Variants in SPATA6 observed in about 807,000 individuals in gnomAD.
The protein encoded by SPATA6 is spermatogenesis-associated protein 6.
A neutral mutation model predicts 65.3 loss-of-function variants in SPATA6; 56 were observed. The ratio of observed to expected loss-of-function variants is 0.86; its 90% CI spans 0.69 to 1.07. The LOEUF (loss-of-function observed/expected upper bound fraction) is 1.07. SPATA6 is among the 50% of genes least tolerant of loss of function. The pLI, the probability that SPATA6 is intolerant of heterozygous loss-of-function variation, is 0.00. For missense variants in SPATA6, 590 were observed against 594.8 expected, an observed-to-expected ratio of 0.99 and a Z score of 0.08; for synonymous variants, 199 against 213.2, an observed-to-expected ratio of 0.93 and a Z score of 0.58.
intron 9 of SPATA6, among the ~76,000 whole-genome samples, chr1:48,384,647 T>C (rs1437256620): frequency 1.3e-5 from 2 of 151,942 alleles, no homozygotes; most frequent in Non-Finnish European, 1.5e-5. Context: ...CCAGAAAAAA[T>C]ATATTTTCAA....
chr1:48,277,676 G>A, the SPATA6 span, among the ~76,000 whole-genome samples: 3 of 152,250 alleles, frequency 2.0e-5, no homozygotes, highest in African/African-American at 4.8e-5. Context: ...AAGCAGCTGG[G>A]AAGCTCGAAC....
intron 11 of SPATA6, among the ~76,000 whole-genome samples, chr1:48,350,187 A>G (rs1388104365): frequency 2.0e-5 from 3 of 151,538 alleles, no homozygotes; most frequent in Non-Finnish European, 3.0e-5. Flanking sequence ...TTATGAGTTG[A>G]GCATGTTTTA....
chr1:48,317,086 T>C (rs966071434), intron 11 of SPATA6, among the ~76,000 whole-genome samples: 2 of 152,222 alleles, frequency 1.3e-5, no homozygotes, highest in Admixed American at 6.5e-5. Context: ...GGTGGGACTG[T>C]AAACTAGTTC....
intron 3 of SPATA6, among the ~76,000 whole-genome samples, chr1:48,440,856 G>A (rs976726725): frequency 1.3e-5 from 2 of 152,090 alleles, no homozygotes; most frequent in Admixed American, 6.6e-5. Context: ...ATTAAACCTG[G>A]CAACCTTGGT....
At chr1:48,419,572 GA>G (rs1570515797) in intron 3 of SPATA6, among the ~76,000 whole-genome samples, 2 of 152,124 alleles carry the variant, frequency 1.3e-5, no homozygotes, top group Admixed American at 1.3e-4. Flanking sequence ...AAATAAAGAA[GA>G]CATGTAAACA....
intron 7 of SPATA6, among the ~76,000 whole-genome samples, chr1:48,395,602 G>A (rs1221907714): frequency 6.6e-6 from 1 of 151,814 alleles, no homozygotes; most frequent in Non-Finnish European, 1.5e-5. Flanking sequence ...AAAATGAACA[G>A]ACTTGGAATT....
chr1:48,299,982 G>A (rs1172032378), intron 12 of SPATA6, among the ~76,000 whole-genome samples: 1 of 152,146 alleles, frequency 6.6e-6, no homozygotes, highest in African/African-American at 2.4e-5. Flanking sequence ...AGGATCAACT[G>A]TAGTTTTGAG....
At chr1:48,321,171 A>G (rs1384802021) in intron 11 of SPATA6, among the ~76,000 whole-genome samples, 1 of 152,200 alleles carries the variant, frequency 6.6e-6, no homozygotes. Context: ...CTTATCAATA[A>G]TAACACTGAA....
rs34415296 is a variant in SPATA6 at position 48,418,544 on chromosome 1, C to CAAAAAA, written c.239-5399_239-5394dup. Among the ~76,000 whole-genome samples, 376 of 49,704 alleles carry CAAAAAA rather than the reference C, an allele frequency of 7.6e-3. 19 individuals carry two copies. Among genetic ancestry groups the CAAAAAA allele is most frequent in the Non-Finnish European group, 0.01 (309 of 30,042 alleles). The allele number at this position is 49,704 out of a possible 152,430, so 32.6% of individuals were successfully genotyped here. ...GCAACATGGCAAGAACCCATCCCTA[C>CAAAAAA]AAAAAAAAAAAAAAAAAAAAAAAAA... On this transcript the variant is annotated intron_variant, in intron 3 of 12. Coordinates refer to ENST00000371847, the MANE Select transcript of SPATA6 (RefSeq NM_019073.4).
intron 1 of SPATA6, among the ~76,000 whole-genome samples, chr1:48,461,907 C>A (rs535483256): frequency 6.6e-6 from 1 of 152,100 alleles, no homozygotes; most frequent in East Asian, 1.9e-4. Flanking sequence ...ATGTTTATTG[C>A]GGCACTATTC....
chr1:48,399,230 G>T, intron 7 of SPATA6, 121 bp downstream of exon 7: 1 of 1,154,154 alleles, frequency 8.7e-7, no homozygotes, highest in Non-Finnish European at 1.2e-6. Flanking sequence ...TGCTAGGGTA[G>T]CAGTCAGAAG....
intron 11 of SPATA6, among the ~76,000 whole-genome samples, chr1:48,352,729 GAT>G (rs1476188614): frequency 5.3e-5 from 8 of 151,794 alleles, no homozygotes; most frequent in Non-Finnish European, 1.2e-4. Context: ...ATACTGAATG[GAT>G]ATTAATTCAG....
chr1:48,348,141 T>A (rs1225990465), intron 11 of SPATA6, among the ~76,000 whole-genome samples: 2 of 152,014 alleles, frequency 1.3e-5, no homozygotes, highest in East Asian at 3.9e-4. Flanking sequence ...ACTGGGTGAT[T>A]ACAATTTCTC....
In SPATA6 at chr1:48,407,947, CCATAATTT is replaced by C. The variant is rs1651859872; in HGVS notation, c.405+3509_405+3516del. On this transcript the variant is annotated intron_variant, in intron 5 of 12. Transcript: ENST00000371847. ...AGAATTTTAAATTACATTAAAGAGA[CCATAATTT>C]TAAAATGTGATTATTTGTTCATTGT... Among the ~76,000 whole-genome samples the C allele has an allele frequency of 2.0e-5, 3 of 152,092 alleles. No homozygotes were observed. The South Asian group carries it at 6.2e-4, about 32-fold the overall frequency.
intron 9 of SPATA6, among the ~76,000 whole-genome samples, chr1:48,374,358 TTCTAGGAATATG>T: frequency 6.6e-6 from 1 of 151,082 alleles, no homozygotes; most frequent in Admixed American, 6.6e-5. Context: ...GCCATAAAGT[TTCTAGGAATATG>T]TCTAATAAAC....
intron 1 of SPATA6, among the ~76,000 whole-genome samples, chr1:48,456,501 A>G (rs111939516): frequency 0.027 from 4,052 of 149,278 alleles, 54 homozygotes; most frequent in South Asian, 0.06. Context: ...TACATGGGGG[A>G]AAAAAAAAAG....
At chr1:48,286,855 G>C in the SPATA6 span, among the ~76,000 whole-genome samples, 1 of 151,962 alleles carries the variant, frequency 6.6e-6, no homozygotes, top group Non-Finnish European at 1.5e-5. Context: ...TGGCCAACAT[G>C]GTGAAGCCCT....
rs747546899 is a variant in SPATA6 at position 48,411,534 on chromosome 1, C to G, written c.335G>C (p.Gly112Ala). The G allele has an allele frequency of 6.2e-7, 1 of 1,611,144 alleles. No individual in the cohort carries two copies. Among genetic ancestry groups the G allele is most frequent in the Non-Finnish European group, 8.5e-7 (1 of 1,178,684 alleles). Residue 112 changes from glycine (G) to alanine (A), a missense_variant, in exon 5 of 13, where the codon GGT (glycine) becomes GCT (alanine). Gly to Ala is a moderately conservative substitution (Grantham distance 60). Transcript: ENST00000371847. Reference sequence around the variant, plus strand: ...ATGGTGTCCAGACATTTGGTTTGGACCCGGAAACATGAAATCTCGTGTATT... The same window carrying G: ...ATGGTGTCCAGACATTTGGTTTGGAGCCGGAAACATGAAATCTCGTGTATT... ...DENTRDFMFP[G>A]PNQMSGHHDS... is the part of the protein sequence containing the mutation.
chr1:48,349,590 C>T (rs1646463042), intron 11 of SPATA6, among the ~76,000 whole-genome samples: 1 of 151,838 alleles, frequency 6.6e-6, no homozygotes, highest in African/African-American at 2.4e-5. Flanking sequence ...TTATTGATCA[C>T]TCCCATACCA....
Sources: allele counts gnomAD v4.1 joint callset (sites outside exome capture counted in the v4.1 genomes callset), GRCh38; gene constraint gnomAD v4.1.1; transcripts MANE v1.5; gene names NCBI Gene and HGNC (gene_info 2026-07-23, HGNC 2026-07-21).